The following RNF150 variants were observed in gnomAD, a reference collection of about 807,000 sequenced individuals.
RNF150 encodes ring finger protein 150.
RNF150 carries 24 observed loss-of-function variants against 39.3 expected under a neutral mutation model. That is an observed-to-expected ratio of 0.61 (90% CI 0.44 to 0.86). The LOEUF is 0.86. RNF150 is among the 40% of genes least tolerant of loss of function. The pLI, the probability that RNF150 is intolerant of heterozygous loss-of-function variation, is 0.00. For missense variants in RNF150, 502 were observed against 587.8 expected (o/e 0.85, Z 1.51); for synonymous variants, 255 against 227.3 (o/e 1.12, Z -1.10).
chr4:141,175,890 CTTTA>C (rs1449372653), intron 1 of RNF150, among the ~76,000 whole-genome samples: 1 of 151,784 alleles, frequency 6.6e-6, no homozygotes, highest in Non-Finnish European at 1.5e-5. Flanking sequence ...GTAACTCTAT[CTTTA>C]TTTTTTTTGA....
Position 141,132,777 on chromosome 4 carries a change from C to G in RNF150, c.32G>C (p.Ser11Thr), listed in dbSNP as rs757868917. Residue 11 changes from serine to threonine, a missense_variant, in exon 1 of 7, where the codon AGT becomes ACT. By Grantham distance (58) the Ser-to-Thr change is moderately conservative. Transcript: ENST00000515673. The surrounding 1 kb of genome is among the most constrained non-coding windows in gnomAD (Gnocchi z 4.9). The stretch of plus-strand genomic sequence containing the variant: ...AAGCAGCCATGTTGAGAGAGCCAGA[C>G]TGCAGCACGCTTGGATGAGAGACAT... MAMSLIQACC[S>T]LALSTWLLSF... The G allele has an allele frequency of 1.9e-6, 3 of 1,610,056 alleles. No homozygotes were observed.
chr4:140,917,546 C>T (rs928241642), intron 5 of RNF150, among the ~76,000 whole-genome samples: 1 of 152,158 alleles, frequency 6.6e-6, no homozygotes, highest in East Asian at 1.9e-4. Flanking sequence ...AAAGCAAGTC[C>T]TTAGTGACCT....
rs1560939726 is a variant in RNF150 at position 140,868,000 on chromosome 4, G to A, written c.*261C>T. 8.1e-6 allele frequency: 3 copies of A among 370,154 alleles called. No homozygotes were observed. Among genetic ancestry groups the A allele is most frequent in the Non-Finnish European group, 1.4e-5 (3 of 207,372 alleles). 22.9% of individuals were successfully genotyped at this position (370,154 alleles called of 1,614,324 possible). ...AGTCTCTGTTTTAGGAGCTTCTGAA[G>A]TGTATGTCTACATGGACATAGGAGT... On this transcript the variant is annotated 3_prime_UTR_variant, in exon 7 of 7. Coordinates refer to ENST00000515673, the MANE Select transcript of RNF150 (RefSeq NM_020724.2).
intron 4 of RNF150, among the ~76,000 whole-genome samples, chr4:140,930,085 T>C (rs951804000): frequency 9.2e-5 from 14 of 152,070 alleles, no homozygotes; most frequent in Non-Finnish European, 2.1e-4. Context: ...TGCTTGAACC[T>C]GGGAGGTGGA....
chr4:141,185,430 C>T (rs940236905), intron 1 of RNF150, among the ~76,000 whole-genome samples: 4 of 151,916 alleles, frequency 2.6e-5, no homozygotes, highest in African/African-American at 7.3e-5. Context: ...AGACTTAGGG[C>T]TGAGACAATG....
At chr4:141,076,907 C>A (rs1003184234) in intron 1 of RNF150, among the ~76,000 whole-genome samples, 2 of 152,106 alleles carry the variant, frequency 1.3e-5, no homozygotes, top group African/African-American at 4.8e-5. Context: ...GTTTGCAGGG[C>A]AGCTTTGATT....
intron 1 of RNF150, among the ~76,000 whole-genome samples, chr4:141,047,998 T>C (rs114157505): frequency 0.011 from 1,711 of 152,152 alleles, 32 homozygotes; most frequent in African/African-American, 0.037. Flanking sequence ...AAGAAACACG[T>C]CTGTGAGTGT....
At chr4:141,169,197 C>T (rs1578777946) in intron 1 of RNF150, among the ~76,000 whole-genome samples, 1 of 152,114 alleles carries the variant, frequency 6.6e-6, no homozygotes, top group Non-Finnish European at 1.5e-5. Flanking sequence ...TGTGAGTTCT[C>T]ATGAGATCTG....
At chr4:140,869,145 A>G (rs552145968) in intron 6 of RNF150, among the ~76,000 whole-genome samples, 1 of 152,368 alleles carries the variant, frequency 6.6e-6, no homozygotes, top group East Asian at 1.9e-4. Context: ...CAAGTAACTT[A>G]AAGTCCAACA....
At position 141,203,445 on chromosome 4, in the gene RNF150, C is replaced by T. The variant is rs116399792; in HGVS notation, c.-6+9349G>A. On this transcript the variant is annotated intron_variant, in intron 1 of 7. Coordinates refer to the RNF150 transcript ENST00000420921. ...CCATATTTATGCAGGCAAAAATACTCGATTATAACAAAAAATGTGGACTTT... is the reference window on the plus strand; with the variant it reads ...CCATATTTATGCAGGCAAAAATACTTGATTATAACAAAAAATGTGGACTTT... Among the ~76,000 whole-genome samples, 585 of 151,214 alleles carry T rather than the reference C, an allele frequency of 3.9e-3. 6 individuals are homozygous for T. Among genetic ancestry groups the T allele is most frequent in the African/African-American group, 0.014 (569 of 41,158 alleles).
intron 1 of RNF150, among the ~76,000 whole-genome samples, chr4:141,153,232 TTTA>T (rs1174633940): frequency 6.6e-6 from 1 of 152,158 alleles, no homozygotes; most frequent in Non-Finnish European, 1.5e-5. Context: ...CAAAAATTCA[TTTA>T]TTGATTCGTT....
In RNF150 at chr4:140,955,033, G is replaced by A. The variant is rs1024096921; in HGVS notation, c.736-5661C>T. Among the ~76,000 whole-genome samples, 4 of 152,186 alleles carry A rather than the reference G, an allele frequency of 2.6e-5. 1 individual carries two copies. In the South Asian group the frequency reaches 8.3e-4, roughly 32 times the overall value. On this transcript the variant is annotated intron_variant, in intron 2 of 6. Transcript: ENST00000515673. ...AAGTGTTCTTAAGTTCTAGGTGAAG[G>A]GAGGCCACTGTCAAAGTAAACAGAG...
intron 1 of RNF150, among the ~76,000 whole-genome samples, chr4:141,168,187 T>A (rs1727634895): frequency 6.6e-6 from 1 of 152,036 alleles, no homozygotes; most frequent in Non-Finnish European, 1.5e-5. Context: ...AGCAAGCATA[T>A]GAAAAAAAGC....
chr4:140,891,985 T>C (rs1729771183), intron 6 of RNF150, among the ~76,000 whole-genome samples: 1 of 152,134 alleles, frequency 6.6e-6, no homozygotes, highest in Non-Finnish European at 1.5e-5. Context: ...CAACCACCTC[T>C]CTTGTGGAAA....
intron 1 of RNF150, among the ~76,000 whole-genome samples, chr4:141,173,629 G>A (rs1727764659): frequency 6.6e-6 from 1 of 152,176 alleles, no homozygotes; most frequent in South Asian, 2.1e-4. Context: ...AGAAGCAAAT[G>A]TCCCAGCTAG....
chr4:140,873,364 T>G (rs1729020596), intron 6 of RNF150, among the ~76,000 whole-genome samples: 1 of 151,952 alleles, frequency 6.6e-6, no homozygotes, highest in Non-Finnish European at 1.5e-5. Context: ...TTTATTTGAG[T>G]CTGAAATCTC....
At chr4:140,907,179 G>GTGT in intron 6 of RNF150, among the ~76,000 whole-genome samples, 1 of 152,296 alleles carries the variant, frequency 6.6e-6, no homozygotes, top group East Asian at 1.9e-4. Flanking sequence ...AAGGCAAAGT[G>GTGT]TGTTTTTGGC....
chr4:140,917,151 C>T (rs1353616969), intron 5 of RNF150, among the ~76,000 whole-genome samples: 1 of 152,166 alleles, frequency 6.6e-6, no homozygotes, highest in East Asian at 1.9e-4. Flanking sequence ...GCAAAATAAC[C>T]AGCTAACATC....
At chr4:141,000,026 G>GAA (rs1560679079) in intron 1 of RNF150, among the ~76,000 whole-genome samples, 909 of 32,210 alleles carry the variant, frequency 0.028, 113 homozygotes, top group Non-Finnish European at 0.053. Context: ...AGAAGAAGAA[G>GAA]AAGAAGAAGA....
Sources: allele counts gnomAD v4.1 joint callset (sites outside exome capture counted in the v4.1 genomes callset), GRCh38; gene constraint gnomAD v4.1.1; non-coding constraint Gnocchi (gnomAD v3.1); transcripts MANE v1.5; gene names NCBI Gene and HGNC (gene_info 2026-07-23, HGNC 2026-07-21).